COPS4: variants seen among roughly 807,000 people sequenced by gnomAD.
COPS4 encodes COP9 signalosome complex subunit 4.
COPS4 carries 8 observed loss-of-function variants against 55.1 expected under a neutral mutation model. That is an observed-to-expected ratio of 0.15 (90% CI 0.09 to 0.26). The LOEUF is 0.26. Among genes scored for constraint, COPS4 ranks in the 10% least tolerant of loss-of-function variants. The pLI, the probability that COPS4 is intolerant of heterozygous loss-of-function variation, is 1.00. For synonymous variants in COPS4, 185 were observed against 165.7 expected, an observed-to-expected ratio of 1.12 and a Z score of -0.90; for missense variants, 248 against 484.0, an observed-to-expected ratio of 0.51 and a Z score of 4.58.
chr4:83,043,665 T>G (rs1195350900), intron 1 of COPS4, among the ~76,000 whole-genome samples: 1 of 151,546 alleles, frequency 6.6e-6, no homozygotes, highest in African/African-American at 2.4e-5. Context: ...AAGTAAGAGA[T>G]CTTAGCAATA....
intron 6 of COPS4, among the ~76,000 whole-genome samples, chr4:83,057,650 C>T (rs575257436): frequency 2.5e-4 from 38 of 152,162 alleles, no homozygotes; most frequent in African/African-American, 8.2e-4. Context: ...GGGCTGGGCG[C>T]GGTGGCTCAC....
intron 4 of COPS4, among the ~76,000 whole-genome samples, chr4:83,056,098 T>A (rs147379093): frequency 6.6e-6 from 1 of 151,824 alleles, no homozygotes; most frequent in African/African-American, 2.4e-5. Flanking sequence ...GCCCGGCTAA[T>A]TTTTTGTATT....
At chr4:83,074,133 TATG>T (rs1321463330) in intron 9 of COPS4, among the ~76,000 whole-genome samples, 2 of 152,178 alleles carry the variant, frequency 1.3e-5, no homozygotes, top group African/African-American at 4.8e-5. Context: ...ATTTAAATGG[TATG>T]ATATTTATCC....
At chr4:83,057,458 A>G (rs1485706662) in intron 6 of COPS4, 50 bp downstream of exon 6, 2 of 1,465,318 alleles carry the variant, frequency 1.4e-6, no homozygotes, top group Non-Finnish European at 1.8e-6. Context: ...TTTGCTTAAT[A>G]ACTTTAGGTT....
chr4:83,044,393 C>T (rs975941014), intron 1 of COPS4, among the ~76,000 whole-genome samples: 3 of 141,928 alleles, frequency 2.1e-5, no homozygotes, highest in African/African-American at 7.9e-5. Context: ...TGCAGTGAGC[C>T]GAGATTGCGC....
chr4:83,062,586 C>G (rs537020325), intron 6 of COPS4, among the ~76,000 whole-genome samples: 15 of 151,778 alleles, frequency 9.9e-5, no homozygotes, highest in African/African-American at 3.6e-4. Context: ...TGTTTAAGAT[C>G]ATGTTTTTCA....
At chr4:83,037,089 A>C (rs1019288620) in intron 1 of COPS4, among the ~76,000 whole-genome samples, 2 of 152,182 alleles carry the variant, frequency 1.3e-5, no homozygotes, top group Non-Finnish European at 1.5e-5. Flanking sequence ...ATGCAGATAT[A>C]GTCAGCTGGC....
At chr4:83,043,534 A>C (rs916144119) in intron 1 of COPS4, among the ~76,000 whole-genome samples, 16 of 148,512 alleles carry the variant, frequency 1.1e-4, no homozygotes, top group South Asian at 6.4e-4. Context: ...AAAAAAAAAA[A>C]AAAAAAAAAA....
At chr4:83,038,901 C>T (rs1730491411) in intron 1 of COPS4, among the ~76,000 whole-genome samples, 1 of 152,124 alleles carries the variant, frequency 6.6e-6, no homozygotes, top group Non-Finnish European at 1.5e-5. Flanking sequence ...CCTTGGCCTC[C>T]CAAAGTGCTG....
intron 7 of COPS4, among the ~76,000 whole-genome samples, chr4:83,065,930 G>T (rs777067613): frequency 2.0e-5 from 3 of 152,200 alleles, no homozygotes; most frequent in Non-Finnish European, 4.4e-5. Context: ...CCAGGTGGGC[G>T]CATCACTTGA....
At chr4:83,070,661 A>G (rs1198347261) in intron 9 of COPS4, among the ~76,000 whole-genome samples, 1 of 152,102 alleles carries the variant, frequency 6.6e-6, no homozygotes, top group Non-Finnish European at 1.5e-5. Flanking sequence ...CTACTATTAT[A>G]ACCTCTTCAG....
chr4:83,063,670 G>C (rs967094155), intron 7 of COPS4, among the ~76,000 whole-genome samples: 2 of 151,022 alleles, frequency 1.3e-5, no homozygotes, highest in Non-Finnish European at 2.9e-5. Context: ...GCCTCCCAAA[G>C]TGCTAGGATT....
At chr4:83,074,855 G>A (rs898768889) in intron 9 of COPS4, among the ~76,000 whole-genome samples, 1 of 151,924 alleles carries the variant, frequency 6.6e-6, no homozygotes, top group Non-Finnish European at 1.5e-5. Flanking sequence ...GGACGCGGTG[G>A]CTCATGCCTG....
intron 7 of COPS4, 108 bp downstream of exon 7, chr4:83,063,354 C>G (rs1278932958): frequency 2.8e-6 from 2 of 716,100 alleles, no homozygotes; most frequent in African/African-American, 4.0e-5. Flanking sequence ...CATAACACTT[C>G]CTCATAAAAA....
chr4:83,050,672 C>G (rs1730868181), intron 4 of COPS4, among the ~76,000 whole-genome samples: 1 of 151,964 alleles, frequency 6.6e-6, no homozygotes, highest in African/African-American at 2.4e-5. Context: ...AAGATGGGAG[C>G]AAGCTTGAAG....
intron 4 of COPS4, among the ~76,000 whole-genome samples, chr4:83,053,372 G>A (rs908358637): frequency 6.6e-6 from 1 of 152,256 alleles, no homozygotes; most frequent in East Asian, 1.9e-4. Flanking sequence ...GCGGTTCAAT[G>A]ATGATAAGTT....
intron 8 of COPS4, among the ~76,000 whole-genome samples, chr4:83,067,095 T>TCTTG (rs527275981): frequency 2.1e-3 from 312 of 151,968 alleles, no homozygotes; most frequent in African/African-American, 7.2e-3. Context: ...AGAGACAGGG[T>TCTTG]CTTGTTCTGT....
chr4:83,045,117 C>T (rs367912796), intron 1 of COPS4, among the ~76,000 whole-genome samples: 7 of 152,290 alleles, frequency 4.6e-5, no homozygotes, highest in South Asian at 2.1e-4. Flanking sequence ...TGTTTGGTTT[C>T]GTTGCCTGGT....
At chr4:83,061,812 A>T (rs1320129289) in intron 6 of COPS4, among the ~76,000 whole-genome samples, 1 of 152,044 alleles carries the variant, frequency 6.6e-6, no homozygotes, top group Admixed American at 6.6e-5. Context: ...AGCTAGGATT[A>T]TAGGCGTGAG....
Sources: gnomAD v4.1 joint callset for allele counts (sites outside exome capture counted in the v4.1 genomes callset) on GRCh38, gnomAD v4.1.1 for gene constraint, MANE v1.5 for transcripts, NCBI Gene and HGNC (gene_info 2026-07-23, HGNC 2026-07-21) for gene names.